Variants in COP1 observed in about 807,000 individuals in gnomAD.
The protein encoded by COP1 is COP1 E3 ubiquitin ligase, also known as E3 ubiquitin-protein ligase COP1.
A neutral mutation model predicts 101.3 loss-of-function variants in COP1; 24 were observed. That is an observed-to-expected ratio of 0.24 (90% CI 0.17 to 0.33). The LOEUF (loss-of-function observed/expected upper bound fraction) is 0.33, where lower values mean the gene tolerates loss of function less well. Ranked by LOEUF, COP1 falls within the 10% of genes least tolerant of loss-of-function variation. The pLI is 1.00. For synonymous variants in COP1, 347 were observed against 341.9 expected, an observed-to-expected ratio of 1.01 and a Z score of -0.17; for missense variants, 663 against 906.2, an observed-to-expected ratio of 0.73 and a Z score of 3.45.
chr1:176,164,239 G>A (rs1190024158), intron 3 of COP1, among the ~76,000 whole-genome samples: 2 of 152,146 alleles, frequency 1.3e-5, no homozygotes, highest in African/African-American at 4.8e-5. Context: ...GAGTAACTGA[G>A]TATCTACTAT....
chr1:175,989,060 T>C (rs1046067699), intron 16 of COP1: 3 of 220,066 alleles, frequency 1.4e-5, no homozygotes, highest in African/African-American at 2.3e-5. Context: ...TTAGAAGCAA[T>C]AGCTAAAATC....
intron 8 of COP1, among the ~76,000 whole-genome samples, chr1:176,118,760 A>G (rs899148154): frequency 6.6e-6 from 1 of 152,156 alleles, no homozygotes. Context: ...AAACAAACAA[A>G]CAAACAAACA....
At chr1:176,055,796 T>C (rs1335898132) in intron 11 of COP1, among the ~76,000 whole-genome samples, 4 of 152,244 alleles carry the variant, frequency 2.6e-5, no homozygotes, top group Non-Finnish European at 1.5e-5. Context: ...TTAGTAATTG[T>C]TTTTTCATAA....
At chr1:176,198,503 G>A (rs1036267020) in intron 1 of COP1, among the ~76,000 whole-genome samples, 1 of 152,044 alleles carries the variant, frequency 6.6e-6, no homozygotes, top group Non-Finnish European at 1.5e-5. Flanking sequence ...AAATCTTCTA[G>A]TAGAAAATAT....
intron 15 of COP1, among the ~76,000 whole-genome samples, chr1:176,019,533 T>TACC (rs1482037906): frequency 1.4e-5 from 2 of 147,040 alleles, no homozygotes; most frequent in Non-Finnish European, 3.0e-5. Flanking sequence ...TCACTACTAC[T>TACC]ACCACCAAAT....
chr1:176,199,728 C>G (rs992048034), intron 1 of COP1, among the ~76,000 whole-genome samples: 1 of 152,166 alleles, frequency 6.6e-6, no homozygotes, highest in African/African-American at 2.4e-5. Context: ...GGCAAAATGA[C>G]AGCAATGCAA....
intron 3 of COP1, among the ~76,000 whole-genome samples, chr1:176,165,361 C>CGTGTGT (rs34291468): frequency 0.058 from 7,621 of 131,972 alleles, 332 homozygotes; most frequent in Non-Finnish European, 0.073. Flanking sequence ...AGATGTGTGT[C>CGTGTGT]GTGTGTGTGT....
At chr1:176,116,946 T>C (rs1211856427) in intron 8 of COP1, among the ~76,000 whole-genome samples, 3 of 152,198 alleles carry the variant, frequency 2.0e-5, no homozygotes, top group African/African-American at 4.8e-5. Flanking sequence ...CAGATGTCTA[T>C]ATAGATTTAC....
intron 15 of COP1, among the ~76,000 whole-genome samples, chr1:176,001,567 C>A (rs1375195842): frequency 1.3e-5 from 2 of 152,058 alleles, no homozygotes; most frequent in Non-Finnish European, 2.9e-5. Context: ...ACAACTGCAG[C>A]CGCAAGTGCC....
intron 9 of COP1, among the ~76,000 whole-genome samples, chr1:176,096,359 C>A (rs1256499644): frequency 4.6e-5 from 7 of 152,100 alleles, no homozygotes. Flanking sequence ...GGCTCAGGCT[C>A]AGGATGGTTG....
intron 14 of COP1, among the ~76,000 whole-genome samples, chr1:176,031,541 T>C (rs192043102): frequency 6.6e-6 from 1 of 152,174 alleles, no homozygotes; most frequent in Non-Finnish European, 1.5e-5. Context: ...GAAAATATCA[T>C]CTTCTAGGTG....
At position 176,005,601 on chromosome 1, in the gene COP1, C is replaced by T. The variant is rs1053128079; in HGVS notation, c.1730-16122G>A. Among the ~76,000 whole-genome samples the T allele has an allele frequency of 8.5e-5, 13 of 152,134 alleles. No homozygotes were observed. The East Asian group carries it at 1.3e-3, about 16-fold the overall frequency. On this transcript the variant is annotated intron_variant, in intron 15 of 19. Transcript: ENST00000367669. The stretch of plus-strand genomic sequence containing the variant: ...AACATCTTTATTTCTGCCTTCATTT[C>T]GTTATGTACCCAGTAGTCATTCAGG...
intron 9 of COP1, among the ~76,000 whole-genome samples, chr1:176,091,292 C>G (rs868701569): frequency 2.3e-4 from 34 of 150,712 alleles, no homozygotes; most frequent in African/African-American, 8.0e-4. Flanking sequence ...GAGCTGAGAT[C>G]GTGCCACTGT....
At chr1:176,064,356 T>C (rs1229899785) in intron 11 of COP1, among the ~76,000 whole-genome samples, 2 of 152,220 alleles carry the variant, frequency 1.3e-5, no homozygotes, top group African/African-American at 2.4e-5. Context: ...CCAGGACATA[T>C]GTATATACTG....
At chr1:176,188,686 A>T (rs1231756716) in intron 1 of COP1, among the ~76,000 whole-genome samples, 1 of 152,136 alleles carries the variant, frequency 6.6e-6, no homozygotes, top group East Asian at 1.9e-4. Flanking sequence ...TGATGTTACT[A>T]CCGTAACTGT....
At chr1:176,038,524 A>C (rs533628639) in intron 14 of COP1, among the ~76,000 whole-genome samples, 18 of 152,238 alleles carry the variant, frequency 1.2e-4, no homozygotes, top group Non-Finnish European at 2.4e-4. Flanking sequence ...TGGTACAAGT[A>C]AAAGAAGAGA....
chr1:175,992,203 T>C (rs1658696349), intron 15 of COP1, among the ~76,000 whole-genome samples: 2 of 152,238 alleles, frequency 1.3e-5, no homozygotes, highest in African/African-American at 4.8e-5. Flanking sequence ...CAAGCATTTA[T>C]CCTTTGTGTT....
rs1249553058 is a variant in COP1 at position 175,961,907 on chromosome 1, T to A, written c.2134-14668A>T. Among the ~76,000 whole-genome samples, 8 of 144,098 alleles carry A rather than the reference T, an allele frequency of 5.6e-5. No individual in the cohort carries two copies. The East Asian group carries it at 1.6e-3, about 28-fold the overall frequency. 94.5% of individuals were successfully genotyped at this position (144,098 alleles called of 152,430 possible). A position where few individuals can be genotyped will look rare whatever the true frequency, so the allele number is the denominator to read the frequency against. On this transcript the variant is annotated intron_variant, in intron 18 of 19. Coordinates refer to ENST00000367669, the MANE Select transcript of COP1 (RefSeq NM_022457.7). ...ACACGGTCATGCACATGGAATAAAT[T>A]TGAAAAAAAAAAATGGTTTTGGAAT... is the stretch of plus-strand genomic sequence containing the variant.
At chr1:176,008,756 T>C (rs1557911808) in intron 15 of COP1, among the ~76,000 whole-genome samples, 3 of 152,192 alleles carry the variant, frequency 2.0e-5, no homozygotes, top group Non-Finnish European at 2.9e-5. Flanking sequence ...CTGTTTGTGG[T>C]TTAATGACTT....
Sources: allele counts gnomAD v4.1 joint callset (sites outside exome capture counted in the v4.1 genomes callset), GRCh38; gene constraint gnomAD v4.1.1; transcripts MANE v1.5; gene names NCBI Gene and HGNC (gene_info 2026-07-23, HGNC 2026-07-21).